Variants in SMARCD3 observed in about 807,000 individuals in gnomAD.
The protein encoded by SMARCD3 is SWI/SNF-related matrix-associated actin-dependent regulator of chromatin subfamily D member 3.
A neutral mutation model predicts 58.0 loss-of-function variants in SMARCD3; 14 were observed. The ratio of observed to expected loss-of-function variants is 0.24; its 90% CI spans 0.16 to 0.38. The LOEUF (loss-of-function observed/expected upper bound fraction) is 0.38. Among genes scored for constraint, SMARCD3 ranks in the 10% least tolerant of loss-of-function variants. The pLI is 1.00. For missense variants in SMARCD3, 408 were observed against 636.9 expected (o/e 0.64, Z 3.87); for synonymous variants, 253 against 253.8 (o/e 1.00, Z 0.03).
intron 2 of SMARCD3, among the ~76,000 whole-genome samples, chr7:151,260,927 A>G (rs1255448574): frequency 6.6e-6 from 1 of 152,242 alleles, no homozygotes; most frequent in Non-Finnish European, 1.5e-5. Flanking sequence ...AGGACTTCAC[A>G]GTAAGCTCAG....
intron 2 of SMARCD3, among the ~76,000 whole-genome samples, chr7:151,258,157 C>G (rs1051209347): frequency 3.9e-5 from 6 of 152,160 alleles, no homozygotes; most frequent in African/African-American, 1.4e-4. Flanking sequence ...CAGCAGCCCA[C>G]TGCTTCTCAC....
rs567047171 is a variant in SMARCD3, at chr7:151,239,321, T to A, written c.1398+75A>T. The A allele has an allele frequency of 2.9e-6, 4 of 1,384,490 alleles. No homozygotes were observed. The East Asian group carries it at 9.2e-5, about 32-fold the overall frequency. The allele number at this position is 1,384,490 out of a possible 1,614,324, so 85.8% of individuals were successfully genotyped here. On this transcript the variant is annotated intron_variant, in intron 12 of 12. Transcript: ENST00000262188. This position sits in a 1 kb window ranked among gnomAD's most constrained non-coding sequence, Gnocchi z 7.0. ...CTTTACTGTGGGGAGCTGCGAGGGCTGCCCACAAGCTGAACAGGGAGGTTT... is the reference window on the plus strand; with the variant it reads ...CTTTACTGTGGGGAGCTGCGAGGGCAGCCCACAAGCTGAACAGGGAGGTTT...
At chr7:151,260,996 A>G (rs1803900202) in intron 2 of SMARCD3, among the ~76,000 whole-genome samples, 1 of 152,172 alleles carries the variant, frequency 6.6e-6, no homozygotes, top group Non-Finnish European at 1.5e-5. Context: ...CTGGGGCTCA[A>G]ATGGCTACAG....
At chr7:151,262,723 A>T (rs1434277995) in intron 2 of SMARCD3, among the ~76,000 whole-genome samples, 1 of 152,188 alleles carries the variant, frequency 6.6e-6, no homozygotes, top group African/African-American at 2.4e-5. Flanking sequence ...CTACCCCAAC[A>T]GGTGTCTCAG....
chr7:151,260,557 G>T (rs147439724), intron 2 of SMARCD3, among the ~76,000 whole-genome samples: 2 of 152,254 alleles, frequency 1.3e-5, no homozygotes, highest in Admixed American at 1.3e-4. Context: ...GGCTTCTGTG[G>T]TCCTCACAAC....
At chr7:151,264,058 A>ATTTTT (rs780437491) in intron 2 of SMARCD3, among the ~76,000 whole-genome samples, 25 of 135,492 alleles carry the variant, frequency 1.8e-4, no homozygotes, top group African/African-American at 6.8e-4. Context: ...TGAAGACAGG[A>ATTTTT]TTTTTTTTTT....
At chr7:151,266,112 G>C (rs1297229836) in intron 2 of SMARCD3, among the ~76,000 whole-genome samples, 2 of 152,076 alleles carry the variant, frequency 1.3e-5, no homozygotes, top group Non-Finnish European at 2.9e-5. Flanking sequence ...TGGGATTACA[G>C]GCACGTGCCA....
Position 151,239,586 on chromosome 7 carries a change from G to A in SMARCD3, c.1296+38C>T, listed in dbSNP as rs1584860667. ...GTTTACTCTCTTTCCCGCTGTGCTTGTCTTCCACTCCAGTACTCCCTGAGT... is the reference window on the plus strand; with the variant it reads ...GTTTACTCTCTTTCCCGCTGTGCTTATCTTCCACTCCAGTACTCCCTGAGT... On this transcript the variant is annotated intron_variant, in intron 11 of 12. Transcript: ENST00000262188. This position sits in a 1 kb window ranked among gnomAD's most constrained non-coding sequence, Gnocchi z 7.0. 2 of 1,613,720 alleles carry A rather than the reference G, an allele frequency of 1.2e-6. No individual in the cohort carries two copies. The highest frequency in any genetic ancestry group is 1.7e-6 in the Non-Finnish European group (2 of 1,179,714).
At chr7:151,260,163 T>A (rs142792572) in intron 2 of SMARCD3, among the ~76,000 whole-genome samples, 1 of 152,270 alleles carries the variant, frequency 6.6e-6, no homozygotes, top group East Asian at 1.9e-4. Context: ...GTCCCTGGGT[T>A]TTCTCCTTTA....
chr7:151,271,524 T>TGCTTAAGG (rs1795173456), intron 2 of SMARCD3, among the ~76,000 whole-genome samples: 1 of 152,162 alleles, frequency 6.6e-6, no homozygotes, highest in Non-Finnish European at 1.5e-5. Flanking sequence ...GGGGCCTGTG[T>TGCTTAAGG]GCTTAAGGAG....
intron 1 of SMARCD3, among the ~76,000 whole-genome samples, chr7:151,247,512 G>A (rs1350141413): frequency 6.6e-6 from 1 of 152,056 alleles, no homozygotes; most frequent in Non-Finnish European, 1.5e-5. Context: ...AGCTGTGCCC[G>A]CCACCAGCCC....
rs1231086453 is a variant in SMARCD3 at position 151,240,481 on chromosome 7, C to A, written c.981G>T (p.Gln327His). 6.2e-7 allele frequency: 1 copy of A among 1,613,750 alleles called. No homozygotes were observed. Among genetic ancestry groups the A allele is most frequent in the African/African-American group, 1.3e-5 (1 of 74,896 alleles). ...GGGGCAATAGCAGGGCTGTGAGGCG[C>A]TGGGGAATCTCAGAAAACTTCAGCC... ...CPRLKFSEIP[Q>H]RLTALLLPPD... The change falls in exon 9 of 13, where the codon CAG becomes CAT. Residue 327 changes from glutamine to histidine, a missense_variant. Physicochemically the swap from Gln to His is conservative, Grantham distance 24. Transcript: ENST00000262188.
At chr7:151,275,430 G>A (rs1358392423) in intron 1 of SMARCD3, among the ~76,000 whole-genome samples, 7 of 152,206 alleles carry the variant, frequency 4.6e-5, no homozygotes, top group Non-Finnish European at 1.0e-4. Flanking sequence ...GCACAAGGCA[G>A]GGCGCAGGTG....
upstream of SMARCD3, among the ~76,000 whole-genome samples, chr7:151,251,177 A>G (rs1489107703): frequency 1.3e-5 from 2 of 152,006 alleles, no homozygotes; most frequent in Non-Finnish European, 2.9e-5. Flanking sequence ...TAGTTAGACG[A>G]GGGGCTATGG....
chr7:151,240,584 T>G, intron 8 of SMARCD3, 62 bp from the exon 9 acceptor site: 1 of 1,230,658 alleles, frequency 8.1e-7, no homozygotes, highest in Non-Finnish European at 1.2e-6. Context: ...CATGCAGTTG[T>G]AGATCCTTTT....
intron 2 of SMARCD3, among the ~76,000 whole-genome samples, chr7:151,262,906 A>AT (rs79076264): frequency 0.32 from 48,817 of 152,062 alleles, 8,087 homozygotes; most frequent in Middle Eastern, 0.43. Context: ...GGCGAGAGTC[A>AT]TGAATAGTGG....
chr7:151,239,136 C>G lies in SMARCD3; in HGVS notation c.1419G>C (p.Glu473Asp). 6.2e-7 allele frequency: 1 copy of G among 1,614,204 alleles called. No homozygotes were observed. Among genetic ancestry groups the G allele is most frequent in the Non-Finnish European group, 8.5e-7 (1 of 1,180,044 alleles). The change falls in exon 13 of 13, where the codon GAG (glutamate) becomes GAC (aspartate). Residue 473 changes from glutamate to aspartate, a missense_variant. Glu to Asp is a conservative substitution (Grantham distance 45). Around this residue, in one of 4 missense-constraint regions of SMARCD3, gnomAD observed 81 missense variants for 109.7 expected, o/e 0.74. Transcript: ENST00000262188. The surrounding 1 kb of genome is among the most constrained non-coding windows in gnomAD (Gnocchi z 7.0). ...TGCGCACAACCAGCGACTGCTCCAG[C>G]TCCTGCCTGCGCTGCTGGATCTTTA... ...FYCKIQQRRQ[E>D]LEQSLVVRNT is the part of the protein sequence containing the mutation.
chr7:151,273,824 C>T (rs939441785), intron 2 of SMARCD3, among the ~76,000 whole-genome samples: 2 of 152,220 alleles, frequency 1.3e-5, no homozygotes, highest in African/African-American at 4.8e-5. Context: ...GGCCAGCTTC[C>T]CCAAAAGCCG....
chr7:151,269,098 A>G (rs1392199204), intron 2 of SMARCD3, among the ~76,000 whole-genome samples: 5 of 152,190 alleles, frequency 3.3e-5, no homozygotes, highest in African/African-American at 4.8e-5. Flanking sequence ...GAATGGATCT[A>G]AAGTGTCTCA....
Sources: allele counts gnomAD v4.1 joint callset (sites outside exome capture counted in the v4.1 genomes callset), GRCh38; gene constraint gnomAD v4.1.1; regional missense constraint gnomAD v4.1.1; non-coding constraint Gnocchi (gnomAD v3.1); transcripts MANE v1.5; gene names NCBI Gene and HGNC (gene_info 2026-07-23, HGNC 2026-07-21).